The following PTPRT variants were observed in gnomAD, a reference collection of about 807,000 sequenced individuals.
PTPRT encodes the protein protein tyrosine phosphatase receptor type T.
In PTPRT, 56 loss-of-function variants were observed where a neutral mutation model predicts 176.8. That is an observed-to-expected ratio of 0.32 (90% CI 0.26 to 0.40). PTPRT has a LOEUF of 0.40. Ranked by LOEUF, PTPRT falls within the 10% of genes least tolerant of loss-of-function variation. The pLI is 1.00. For synonymous variants in PTPRT, 783 were observed against 739.0 expected (o/e 1.06, Z -0.96); for missense variants, 1,540 against 1,908.2 (o/e 0.81, Z 3.60).
intron 15 of PTPRT, among the ~76,000 whole-genome samples, chr20:42,201,487 G>A (rs1991443833): frequency 6.6e-6 from 1 of 152,086 alleles, no homozygotes; most frequent in African/African-American, 2.4e-5. Context: ...GACAATTTGA[G>A]GAAGGTTTAT....
At chr20:42,354,739 C>T (rs775509585) in intron 9 of PTPRT, among the ~76,000 whole-genome samples, 1 of 152,244 alleles carries the variant, frequency 6.6e-6, no homozygotes, top group Admixed American at 6.5e-5. Context: ...AAAGGAAGCA[C>T]ACCAACTTCC....
the PTPRT span, among the ~76,000 whole-genome samples, chr20:42,062,682 CT>C: frequency 1.3e-5 from 2 of 152,196 alleles, no homozygotes; most frequent in African/African-American, 4.8e-5. Flanking sequence ...CCTCTGCCCC[CT>C]TTTTTTCCCT....
intron 1 of PTPRT, among the ~76,000 whole-genome samples, chr20:43,060,902 G>C (rs1987427970): frequency 1.3e-5 from 2 of 152,148 alleles, no homozygotes; most frequent in African/African-American, 4.8e-5. Flanking sequence ...TAAGATTATA[G>C]GTGTTACAGG....
At chr20:43,118,832 C>A (rs540175699) in intron 1 of PTPRT, among the ~76,000 whole-genome samples, 1 of 152,308 alleles carries the variant, frequency 6.6e-6, no homozygotes, top group East Asian at 1.9e-4. Flanking sequence ...GCTGGGATTC[C>A]AACCAAATCC....
chr20:43,134,058 C>T (rs1293318639), intron 1 of PTPRT, among the ~76,000 whole-genome samples: 1 of 152,080 alleles, frequency 6.6e-6, no homozygotes, highest in Non-Finnish European at 1.5e-5. Flanking sequence ...TTCGATTCCA[C>T]GGGACATGGA....
At chr20:42,039,095 T>G in the PTPRT span, among the ~76,000 whole-genome samples, 17 of 152,292 alleles carry the variant, frequency 1.1e-4, no homozygotes, top group Admixed American at 1.1e-3. Flanking sequence ...ATCTGTCTAG[T>G]GGTTTCCTTT....
chr20:42,442,675 T>G (rs1344676375), intron 9 of PTPRT, among the ~76,000 whole-genome samples: 1 of 152,256 alleles, frequency 6.6e-6, no homozygotes, highest in African/African-American at 2.4e-5. Flanking sequence ...CAGTTGCAAG[T>G]GTAACATCTT....
intron 14 of PTPRT, among the ~76,000 whole-genome samples, chr20:42,245,546 C>A (rs971940793): frequency 6.6e-6 from 1 of 152,220 alleles, no homozygotes; most frequent in Non-Finnish European, 1.5e-5. Context: ...GATATTCTCT[C>A]TTTTCCCTCC....
chr20:42,773,218 T>G (rs2077088339), intron 4 of PTPRT, among the ~76,000 whole-genome samples: 1 of 152,198 alleles, frequency 6.6e-6, no homozygotes, highest in African/African-American at 2.4e-5. Flanking sequence ...TTTGAACTAT[T>G]TTGTCTACCA....
chr20:43,040,969 C>T (rs1479826233), intron 1 of PTPRT, among the ~76,000 whole-genome samples: 2 of 152,210 alleles, frequency 1.3e-5, no homozygotes, highest in African/African-American at 2.4e-5. Context: ...GGCACCCCGA[C>T]CAGCAGCATC....
intron 22 of PTPRT, among the ~76,000 whole-genome samples, chr20:42,111,080 CAG>C (rs1986965294): frequency 6.6e-6 from 1 of 152,160 alleles, no homozygotes; most frequent in Admixed American, 6.5e-5. Context: ...CTGATGGAGA[CAG>C]AGTGGGGCCT....
At chr20:42,086,554 C>T (rs1016954163) in intron 27 of PTPRT, among the ~76,000 whole-genome samples, 2 of 150,942 alleles carry the variant, frequency 1.3e-5, no homozygotes, top group East Asian at 2.0e-4. Flanking sequence ...TTTCTTTTCA[C>T]CACGCAAATC....
chr20:42,858,212 T>A (rs2078599003), intron 2 of PTPRT, among the ~76,000 whole-genome samples: 1 of 152,196 alleles, frequency 6.6e-6, no homozygotes, highest in Non-Finnish European at 1.5e-5. Flanking sequence ...CTGACACTTG[T>A]TAAAATGGTA....
At chr20:42,747,425 G>T in intron 6 of PTPRT, among the ~76,000 whole-genome samples, 1 of 152,200 alleles carries the variant, frequency 6.6e-6, no homozygotes, top group East Asian at 1.9e-4. Flanking sequence ...TAGTAGGAAA[G>T]ATGGGTAATC....
intron 11 of PTPRT, among the ~76,000 whole-genome samples, chr20:42,340,080 T>C (rs750353254): frequency 6.0e-4 from 92 of 152,190 alleles, no homozygotes; most frequent in Non-Finnish European, 7.5e-4. Flanking sequence ...TCTGTCATGA[T>C]GGAAATGCCG....
intron 27 of PTPRT, 21 bp downstream of exon 27, chr20:42,098,400 C>A (rs1265927530): frequency 1.2e-6 from 2 of 1,613,460 alleles, no homozygotes; most frequent in East Asian, 4.5e-5. Context: ...CCACCTAGGG[C>A]TTGGCTTGGC....
chr20:43,107,856 T>G (rs2012683906), intron 1 of PTPRT, among the ~76,000 whole-genome samples: 1 of 152,214 alleles, frequency 6.6e-6, no homozygotes, highest in Non-Finnish European at 1.5e-5. Flanking sequence ...ATGCTTAATA[T>G]TTGCTTAGGT....
intron 1 of PTPRT, among the ~76,000 whole-genome samples, chr20:43,047,378 G>A (rs1416070736): frequency 6.6e-6 from 1 of 152,144 alleles, no homozygotes; most frequent in Admixed American, 6.5e-5. Context: ...CCAGCAGGGA[G>A]GTGAATCCTG....
At chr20:42,689,937 T>C (rs780932870) in intron 6 of PTPRT, among the ~76,000 whole-genome samples, 6 of 152,158 alleles carry the variant, frequency 3.9e-5, no homozygotes, top group Non-Finnish European at 8.8e-5. Context: ...ATTTGTGTTG[T>C]CTTAGACCAC....
Sources: gnomAD v4.1 joint callset for allele counts (sites outside exome capture counted in the v4.1 genomes callset) on GRCh38, gnomAD v4.1.1 for gene constraint, MANE v1.5 for transcripts, NCBI Gene and HGNC (gene_info 2026-07-23, HGNC 2026-07-21) for gene names.